SPATA31G1: variants seen among roughly 807,000 people sequenced by gnomAD.
SPATA31G1 encodes spermatogenesis-associated protein 31G1.
chr9:35,045,630 C>T, the SPATA31G1 span: 8 of 1,614,240 alleles, frequency 5.0e-6, no homozygotes, highest in Non-Finnish European at 6.8e-6. Context: ...GAGCTCTCAA[C>T]ACACTGCTCT....
chr9:35,044,263 A>T, the SPATA31G1 span: 1 of 1,614,184 alleles, frequency 6.2e-7, no homozygotes, highest in Non-Finnish European at 8.5e-7. Flanking sequence ...ACATGGAAGG[A>T]TACTGAGCAT....
the SPATA31G1 span, chr9:35,045,689 G>A: frequency 6.2e-7 from 1 of 1,614,228 alleles, no homozygotes; most frequent in Non-Finnish European, 8.5e-7. Context: ...ATCAGCCAGA[G>A]GCAGGGCGAA....
the SPATA31G1 span, chr9:35,045,539 G>C: frequency 5.0e-6 from 8 of 1,614,166 alleles, no homozygotes; most frequent in Non-Finnish European, 6.8e-6. Context: ...CAGTCACAGG[G>C]AAGAACCACC....
the SPATA31G1 span, chr9:35,044,795 A>G: frequency 6.2e-7 from 1 of 1,614,076 alleles, no homozygotes; most frequent in Non-Finnish European, 8.5e-7. Context: ...GCCCTCTGGC[A>G]GTGGATCCCC....
the SPATA31G1 span, chr9:35,045,054 T>G: frequency 1.2e-6 from 2 of 1,614,180 alleles, no homozygotes; most frequent in East Asian, 4.5e-5. Context: ...AAGTCAATCA[T>G]TTTGCAGCTC....
At chr9:35,043,174 T>C in the SPATA31G1 span, 2 of 1,614,066 alleles carry the variant, frequency 1.2e-6, no homozygotes, top group African/African-American at 1.3e-5. Flanking sequence ...AGGCACAAGA[T>C]AGCATCAGGG....
At chr9:35,045,293 G>C in the SPATA31G1 span, 1 of 1,614,082 alleles carries the variant, frequency 6.2e-7, no homozygotes, top group Non-Finnish European at 8.5e-7. Context: ...AGAGAGGGGA[G>C]AAAATGAAGG....
the SPATA31G1 span, chr9:35,044,772 C>A: frequency 2.5e-6 from 4 of 1,614,188 alleles, no homozygotes; most frequent in Middle Eastern, 6.6e-4. Context: ...AAGAGAAGTT[C>A]CCCAAGGCCC....
the SPATA31G1 span, chr9:35,041,578 G>T: frequency 6.5e-6 from 1 of 153,426 alleles, no homozygotes; most frequent in East Asian, 1.9e-4. Context: ...TTGCCTCTAA[G>T]AATAATATGC....
chr9:35,045,787 C>T, the SPATA31G1 span: 1 of 1,614,082 alleles, frequency 6.2e-7, no homozygotes, highest in East Asian at 2.2e-5. Context: ...ACCCTCAAGG[C>T]TTCCCTTACC....
At chr9:35,041,769 A>T in the SPATA31G1 span, 1 of 156,080 alleles carries the variant, frequency 6.4e-6, no homozygotes, top group Admixed American at 6.2e-5. Flanking sequence ...GCTACTCAGG[A>T]GGCTGAGGCA....
At chr9:35,042,309 T>C in the SPATA31G1 span, 2 of 1,614,186 alleles carry the variant, frequency 1.2e-6, no homozygotes, top group Non-Finnish European at 1.7e-6. Flanking sequence ...GGGGCTTCTC[T>C]GGGGCCAACT....
At chr9:35,042,719 A>G in the SPATA31G1 span, 1 of 1,204,826 alleles carries the variant, frequency 8.3e-7, no homozygotes, top group Non-Finnish European at 1.2e-6. Context: ...CTAGATGAGG[A>G]GCTGTGTAGG....
At chr9:35,043,434 G>T in the SPATA31G1 span, 1 of 1,614,124 alleles carries the variant, frequency 6.2e-7, no homozygotes, top group Non-Finnish European at 8.5e-7. Context: ...GATGGCCCCC[G>T]ATCCTCAGCT....
At chr9:35,044,021 C>T in the SPATA31G1 span, 7 of 1,613,378 alleles carry the variant, frequency 4.3e-6, no homozygotes, top group Non-Finnish European at 5.9e-6. Flanking sequence ...ATATTTGGGT[C>T]CCTGCAGACC....
At chr9:35,045,116 A>G in the SPATA31G1 span, 2 of 1,614,058 alleles carry the variant, frequency 1.2e-6, no homozygotes, top group Non-Finnish European at 1.7e-6. Flanking sequence ...CTTCCTGCCC[A>G]CCACAGCAGA....
the SPATA31G1 span, chr9:35,043,333 T>C: frequency 6.2e-7 from 1 of 1,614,196 alleles, no homozygotes; most frequent in South Asian, 1.1e-5. Flanking sequence ...AAGCTTGCCT[T>C]CCTACCTAGG....
At chr9:35,045,697 G>A in the SPATA31G1 span, 19 of 1,614,226 alleles carry the variant, frequency 1.2e-5, no homozygotes, top group Middle Eastern at 1.6e-4. Context: ...GAGGCAGGGC[G>A]AAGAGCAAGT....
the SPATA31G1 span, chr9:35,045,944 G>A: frequency 1.4e-6 from 2 of 1,477,316 alleles, no homozygotes; most frequent in South Asian, 1.4e-5. Flanking sequence ...GGGATGTGGA[G>A]ACAAGAAATG....
Sources: gnomAD v4.1 joint callset for allele counts on GRCh38, gnomAD v4.1.1 for gene constraint, MANE v1.5 for transcripts, NCBI Gene and HGNC (gene_info 2026-07-23, HGNC 2026-07-21) for gene names.